CADM2: variants seen among roughly 807,000 people sequenced by gnomAD.
The protein encoded by CADM2 is immunoglobulin superfamily member 4D.
CADM2 carries 12 observed loss-of-function variants against 49.8 expected under a neutral mutation model. The ratio of observed to expected loss-of-function variants is 0.24; its 90% CI spans 0.15 to 0.39. The LOEUF is 0.39. Ranked by LOEUF, CADM2 falls within the 10% of genes least tolerant of loss-of-function variation. The pLI is 1.00. For missense variants in CADM2, 378 were observed against 492.3 expected (o/e 0.77, Z 2.20); for synonymous variants, 214 against 175.4 (o/e 1.22, Z -1.74).
intron 3 of CADM2, among the ~76,000 whole-genome samples, chr3:85,821,731 C>G (rs942887882): frequency 6.6e-6 from 1 of 152,056 alleles, no homozygotes; most frequent in Non-Finnish European, 1.5e-5. Context: ...CAGTACTTCT[C>G]AAATCATTTT....
intron 1 of CADM2, among the ~76,000 whole-genome samples, chr3:85,618,435 A>C (rs1202138424): frequency 1.3e-5 from 2 of 152,136 alleles, no homozygotes; most frequent in East Asian, 3.9e-4. Context: ...AAAAGATAGA[A>C]GATGTTTGTT....
chr3:85,128,620 A>T (rs2107605185), intron 1 of CADM2, among the ~76,000 whole-genome samples: 2 of 152,250 alleles, frequency 1.3e-5, no homozygotes, highest in Middle Eastern at 6.8e-3. Context: ...AAGATATCTC[A>T]TTTACAGATC....
intron 1 of CADM2, among the ~76,000 whole-genome samples, chr3:85,467,816 A>C (rs564239794): frequency 2.0e-5 from 3 of 152,244 alleles, no homozygotes; most frequent in African/African-American, 7.2e-5. Context: ...TGATGTAGAG[A>C]TATGTGTGAA....
At chr3:85,935,908 G>T (rs1269168311) in intron 7 of CADM2, 51 bp downstream of exon 7, 3 of 1,087,006 alleles carry the variant, frequency 2.8e-6, no homozygotes, top group Non-Finnish European at 4.2e-6. Context: ...CTTTTATCTT[G>T]CTTTGATTAC....
intron 5 of CADM2, among the ~76,000 whole-genome samples, chr3:85,888,600 GTCTA>G (rs1453301634): frequency 3.3e-5 from 5 of 152,028 alleles, no homozygotes; most frequent in Non-Finnish European, 5.9e-5. Flanking sequence ...CTATCTATCT[GTCTA>G]TCTATGTATC....
At chr3:84,960,591 C>G (rs190429505) in intron 1 of CADM2, among the ~76,000 whole-genome samples, 15 of 151,970 alleles carry the variant, frequency 9.9e-5, no homozygotes, top group Admixed American at 7.2e-4. Flanking sequence ...CGCTTCTTTC[C>G]GTAATTAATA....
intron 1 of CADM2, among the ~76,000 whole-genome samples, chr3:85,720,307 T>G (rs748621900): frequency 4.6e-5 from 7 of 152,208 alleles, no homozygotes; most frequent in Admixed American, 2.6e-4. Flanking sequence ...CTTTGTGGTG[T>G]TGTGTCCATC....
At chr3:85,965,640 GACC>G (rs1044681403) in intron 8 of CADM2, among the ~76,000 whole-genome samples, 1 of 151,456 alleles carries the variant, frequency 6.6e-6, no homozygotes. Flanking sequence ...TTAACACATT[GACC>G]ATGTACAAAG....
At chr3:85,019,477 T>C (rs2107285504) in intron 1 of CADM2, among the ~76,000 whole-genome samples, 1 of 152,250 alleles carries the variant, frequency 6.6e-6, no homozygotes, top group South Asian at 2.1e-4. Context: ...AGTGAGATCC[T>C]GTATGAAAAA....
At chr3:85,151,422 A>T (rs1405301123) in intron 1 of CADM2, among the ~76,000 whole-genome samples, 2 of 151,932 alleles carry the variant, frequency 1.3e-5, no homozygotes, top group Non-Finnish European at 2.9e-5. Context: ...GGAAATTTTA[A>T]AACTTTATTA....
chr3:85,483,618 G>A (rs2039301961), intron 1 of CADM2, among the ~76,000 whole-genome samples: 1 of 149,786 alleles, frequency 6.7e-6, no homozygotes, highest in Admixed American at 6.7e-5. Context: ...TATATAATGA[G>A]TATAGTATTT....
Position 84,959,640 on chromosome 3 carries a change from C to T in CADM2, c.33C>T (p.Phe11=). 1.3e-6 allele frequency: 2 copies of T among 1,537,164 alleles called. No individual in the cohort carries two copies. The highest frequency in any genetic ancestry group is 1.7e-6 in the Non-Finnish European group (2 of 1,146,904). The change falls in exon 1 of 10, where the codon TTC becomes TTT. Residue 11 remains phenylalanine, a synonymous_variant. Transcript: ENST00000383699. ...GGAAACGCAGCGCCGTTCTCCGCTT[C>T]TACAGTGTCTGCGGGCTCCTGCTAC... MIWKRSAVLR[F]YSVCGLLLQA...
At chr3:86,001,459 C>T (rs1730185667) in intron 8 of CADM2, among the ~76,000 whole-genome samples, 1 of 151,892 alleles carries the variant, frequency 6.6e-6, no homozygotes, top group Admixed American at 6.6e-5. Flanking sequence ...TTTTACAGTT[C>T]CCAGTAGTCC....
intron 1 of CADM2, among the ~76,000 whole-genome samples, chr3:85,419,362 A>G (rs932220522): frequency 3.3e-5 from 5 of 151,992 alleles, no homozygotes; most frequent in Non-Finnish European, 7.4e-5. Flanking sequence ...GGAGGCTGAG[A>G]CAGGAGAATG....
intron 1 of CADM2, among the ~76,000 whole-genome samples, chr3:85,354,454 G>A (rs1394361348): frequency 5.9e-5 from 9 of 151,518 alleles, no homozygotes; most frequent in Non-Finnish European, 1.3e-4. Flanking sequence ...GTATACATAT[G>A]TAACAAACCT....
intron 3 of CADM2, among the ~76,000 whole-genome samples, chr3:85,858,062 C>T (rs1028157228): frequency 1.3e-5 from 2 of 152,172 alleles, no homozygotes; most frequent in African/African-American, 4.8e-5. Context: ...ACAAATCTGA[C>T]AACTCATTGA....
At chr3:85,352,475 G>A (rs2031447153) in intron 1 of CADM2, among the ~76,000 whole-genome samples, 1 of 152,028 alleles carries the variant, frequency 6.6e-6, no homozygotes, top group Non-Finnish European at 1.5e-5. Context: ...TGGGAAGCGA[G>A]GGATAAAGCT....
intron 1 of CADM2, among the ~76,000 whole-genome samples, chr3:85,545,654 G>GT (rs1396410372): frequency 6.6e-6 from 1 of 152,120 alleles, no homozygotes; most frequent in Non-Finnish European, 1.5e-5. Flanking sequence ...TTTCACATCT[G>GT]TGTTTGATGC....
chr3:85,658,013 T>G (rs2065266033), intron 1 of CADM2, among the ~76,000 whole-genome samples: 1 of 152,034 alleles, frequency 6.6e-6, no homozygotes, highest in African/African-American at 2.4e-5. Context: ...TATTAGGCAA[T>G]GGGGATTCAT....
Sources: gnomAD v4.1 joint callset for allele counts (sites outside exome capture counted in the v4.1 genomes callset) on GRCh38, gnomAD v4.1.1 for gene constraint, MANE v1.5 for transcripts, NCBI Gene and HGNC (gene_info 2026-07-23, HGNC 2026-07-21) for gene names.